ZBTB43: variants seen among roughly 807,000 people sequenced by gnomAD.
The protein encoded by ZBTB43 is zinc finger and BTB domain containing 43, also known as zinc finger and BTB domain-containing protein 43.
In ZBTB43, 6 loss-of-function variants were observed where a neutral mutation model predicts 31.1. The observed-to-expected ratio is 0.19, with a 90% CI of 0.11 to 0.38. The LOEUF is 0.38. Ranked by LOEUF, ZBTB43 falls within the 10% of genes least tolerant of loss-of-function variation. The pLI, the probability that ZBTB43 is intolerant of heterozygous loss-of-function variation, is 1.00. For missense variants in ZBTB43, 379 were observed against 602.1 expected (o/e 0.63, Z 3.88); for synonymous variants, 212 against 221.7 (o/e 0.96, Z 0.39).
At position 126,835,886 on chromosome 9, in the gene ZBTB43, C is replaced by T. The variant is rs1230397904; in HGVS notation, c.*1973C>T. The T allele has an allele frequency of 1.2e-5, 2 of 166,950 alleles. No homozygotes were observed. The highest frequency in any genetic ancestry group is 4.8e-5 in the African/African-American group (2 of 41,380). The allele number at this position is 166,950 out of a possible 1,614,324, so 10.3% of individuals were successfully genotyped here. A position where few individuals can be genotyped will look rare whatever the true frequency, so the allele number is the denominator to read the frequency against. On this transcript the variant is annotated 3_prime_UTR_variant, in exon 3 of 3. Transcript: ENST00000373464. ...ATTGTACAATCAAGCCTATTGTCTCCTTTTCTTTCACTCATGGTAGAGGCC... is the reference window on the plus strand; with the variant it reads ...ATTGTACAATCAAGCCTATTGTCTCTTTTTCTTTCACTCATGGTAGAGGCC...
At chr9:126,830,648 CAAAA>C (rs1191760283) in intron 2 of ZBTB43, among the ~76,000 whole-genome samples, 2 of 150,312 alleles carry the variant, frequency 1.3e-5, no homozygotes, top group African/African-American at 4.9e-5. Flanking sequence ...GACCCTGTCT[CAAAA>C]AAACAAAAGA....
Position 126,826,610 on chromosome 9 carries a change from C to T in ZBTB43, c.-23-5877C>T, listed in dbSNP as rs544037310. The stretch of plus-strand genomic sequence containing the variant: ...TCCCGAGTAGCTGGGACTACAGGCG[C>T]CCGCCACCACGCCTGGCTAATTTTT... On this transcript the variant is annotated intron_variant, in intron 2 of 2. Transcript: ENST00000373464. 2.3e-4 allele frequency among the ~76,000 whole-genome samples: 35 copies of T among 151,724 alleles called. No homozygotes were observed. The East Asian group carries it at 5.5e-3, about 24-fold the overall frequency.
intron 2 of ZBTB43, among the ~76,000 whole-genome samples, chr9:126,828,885 T>C (rs2032709144): frequency 6.6e-6 from 1 of 152,068 alleles, no homozygotes; most frequent in South Asian, 2.1e-4. Flanking sequence ...CCCAATTTAT[T>C]TGAATCAAGG....
chr9:126,813,824 C>T (rs1001950997), intron 2 of ZBTB43, among the ~76,000 whole-genome samples: 2 of 152,064 alleles, frequency 1.3e-5, no homozygotes, highest in African/African-American at 4.8e-5. Context: ...TTTTCTCCTA[C>T]CCTATTGCCT....
rs2032810720 is a variant in ZBTB43 at position 126,833,342 on chromosome 9, C to G, written c.833C>G (p.Thr278Arg). ...QVTESINTVQTEHTVQPSGVE... is the reference protein window; with the variant it reads ...QVTESINTVQREHTVQPSGVE... ...ACAGAGTCCATCAACACCGTGCAGA[C>G]AGAGCACACGGTGCAGCCTTCGGGA... is the stretch of plus-strand genomic sequence containing the variant. The change falls in exon 3 of 3, where the codon ACA becomes AGA. Residue 278 changes from threonine (T) to arginine (R), a missense_variant. Transcript: ENST00000373464. This position sits in a 1 kb window ranked among gnomAD's most constrained non-coding sequence, Gnocchi z 7.9. 6.2e-7 allele frequency: 1 copy of G among 1,612,860 alleles called. No homozygotes were observed. Among genetic ancestry groups the G allele is most frequent in the African/African-American group, 1.3e-5 (1 of 74,916 alleles).
intron 1 of ZBTB43, 87 bp from the exon 2 acceptor site, chr9:126,808,706 C>A (rs2032180945): frequency 6.6e-6 from 1 of 152,174 alleles, no homozygotes; most frequent in Non-Finnish European, 1.5e-5. Context: ...TTTCTTTCTG[C>A]CGCTAATGTA....
rs371478887 is a variant in ZBTB43, at chr9:126,814,132, T to C, written c.-24+5217T>C. ...ATTAAGAATTAAAGAGGGATACTTATATTTCCTGCTACAATTACAGTTCTG... is the reference window on the plus strand; with the variant it reads ...ATTAAGAATTAAAGAGGGATACTTACATTTCCTGCTACAATTACAGTTCTG... On this transcript the variant is annotated intron_variant, in intron 2 of 2. Transcript: ENST00000373464. Among the ~76,000 whole-genome samples, 25 of 152,228 alleles carry C rather than the reference T, an allele frequency of 1.6e-4. No individual in the cohort carries two copies. In the South Asian group the frequency reaches 4.6e-3, roughly 28 times the overall value.
chr9:126,805,366 A>G (rs756059218), intron 1 of ZBTB43, among the ~76,000 whole-genome samples: 4 of 152,310 alleles, frequency 2.6e-5, no homozygotes, highest in Admixed American at 1.3e-4. Context: ...CCTTTGGGGC[A>G]GCTTCTCGCC....
chr9:126,827,438 G>A (rs2032666230), intron 2 of ZBTB43, among the ~76,000 whole-genome samples: 1 of 152,170 alleles, frequency 6.6e-6, no homozygotes. Context: ...CCTTCCTGCA[G>A]GCTGTGTGTG....
intron 1 of ZBTB43, among the ~76,000 whole-genome samples, chr9:126,805,565 G>T (rs566313403): frequency 2.1e-4 from 32 of 152,366 alleles, no homozygotes; most frequent in African/African-American, 7.7e-4. Context: ...CTGATCTTCT[G>T]TTTAAGTAAA....
In ZBTB43 at chr9:126,833,832, C is replaced by G; in HGVS notation, c.1323C>G (p.Asp441Glu). ...NICAKRFMWR[D>E]SFHRHVTSCT... ...GTGCAAAGAGGTTTATGTGGAGGGA[C>G]AGTTTCCACCGGCATGTGACTTCTT... is the stretch of plus-strand genomic sequence containing the variant. Residue 441 changes from aspartate to glutamate, a missense_variant, in exon 3 of 3, where the codon GAC becomes GAG. Coordinates refer to ENST00000373464, the MANE Select transcript of ZBTB43 (RefSeq NM_014007.4). The surrounding 1 kb of genome is among the most constrained non-coding windows in gnomAD (Gnocchi z 7.9). The G allele has an allele frequency of 6.2e-7, 1 of 1,603,620 alleles. No individual in the cohort carries two copies. The highest frequency in any genetic ancestry group is 8.5e-7 in the Non-Finnish European group (1 of 1,171,224).
chr9:126,824,319 C>G (rs1421130583), intron 2 of ZBTB43, among the ~76,000 whole-genome samples: 2 of 152,200 alleles, frequency 1.3e-5, no homozygotes, highest in African/African-American at 4.8e-5. Flanking sequence ...GCCACTGAGC[C>G]CAACCAGTGG....
intron 2 of ZBTB43, among the ~76,000 whole-genome samples, chr9:126,815,134 T>C (rs2032346256): frequency 1.3e-5 from 2 of 151,390 alleles, no homozygotes. Flanking sequence ...GAAAAAGTTT[T>C]GGCTGTTGTT....
intron 1 of ZBTB43, among the ~76,000 whole-genome samples, chr9:126,805,697 C>T (rs1279042712): frequency 6.6e-6 from 1 of 152,208 alleles, no homozygotes; most frequent in Non-Finnish European, 1.5e-5. Flanking sequence ...GTATCTGGAT[C>T]CTGTTTTATA....
chr9:126,825,309 T>C (rs938273167), intron 2 of ZBTB43, among the ~76,000 whole-genome samples: 3 of 144,958 alleles, frequency 2.1e-5, no homozygotes, highest in African/African-American at 8.7e-5. Flanking sequence ...TTGAGTTTGT[T>C]GATTTTTTTT....
Position 126,805,051 on chromosome 9 carries a change from G to C in ZBTB43, c.-228G>C, listed in dbSNP as rs1309662819. On this transcript the variant is annotated 5_prime_UTR_variant, in exon 1 of 3. Coordinates refer to ENST00000373464, the MANE Select transcript of ZBTB43 (RefSeq NM_014007.4). ...TGAAGGCACAGGCTGAATCTGTTGCGGCAGCTGAGGCTACAACAGGCCTGC... is the reference window on the plus strand; with the variant it reads ...TGAAGGCACAGGCTGAATCTGTTGCCGCAGCTGAGGCTACAACAGGCCTGC... The C allele has an allele frequency of 2.6e-5, 4 of 152,396 alleles. No homozygotes were observed. The highest frequency in any genetic ancestry group is 9.6e-5 in the African/African-American group (4 of 41,472). The allele number at this position is 152,396 out of a possible 1,614,324, so 9.4% of individuals were successfully genotyped here.
intron 2 of ZBTB43, among the ~76,000 whole-genome samples, chr9:126,826,121 C>A (rs543614585): frequency 6.6e-6 from 1 of 150,542 alleles, no homozygotes; most frequent in Admixed American, 6.7e-5. Flanking sequence ...TCAAGCAATT[C>A]TCTTGCCTCA....
rs138398915 is a variant in ZBTB43 at position 126,837,474 on chromosome 9, T to C, written c.*3561T>C. The C allele has an allele frequency of 2.4e-5, 4 of 166,950 alleles. No individual in the cohort carries two copies. In the East Asian group the frequency reaches 7.7e-4, roughly 32 times the overall value. The allele number at this position is 166,950 out of a possible 1,614,324, so 10.3% of individuals were successfully genotyped here. ...CACACACCCCCAAGCTGCTGTGGAG[T>C]GAATTTGAGACGGAGCAGAAGCTGC... On this transcript the variant is annotated 3_prime_UTR_variant, in exon 3 of 3. Coordinates refer to ENST00000373464, the MANE Select transcript of ZBTB43 (RefSeq NM_014007.4).
intron 2 of ZBTB43, among the ~76,000 whole-genome samples, chr9:126,815,436 C>G (rs963811862): frequency 6.7e-6 from 1 of 150,200 alleles, no homozygotes; most frequent in Non-Finnish European, 1.5e-5. Flanking sequence ...ACAATCATGT[C>G]TACATTAGGT....
Sources: gnomAD v4.1 joint callset for allele counts (sites outside exome capture counted in the v4.1 genomes callset) on GRCh38, gnomAD v4.1.1 for gene constraint, Gnocchi (gnomAD v3.1) non-coding constraint, MANE v1.5 for transcripts, NCBI Gene and HGNC (gene_info 2026-07-23, HGNC 2026-07-21) for gene names.